Variants in CTBP2 observed in about 807,000 individuals in gnomAD.
CTBP2 encodes C-terminal-binding protein 2.
Under a neutral mutation model 80.3 loss-of-function variants are expected in CTBP2, and 30 were observed. That is an observed-to-expected ratio of 0.37 (90% CI 0.28 to 0.51). The LOEUF is 0.51. Among genes scored for constraint, CTBP2 ranks in the 20% least tolerant of loss-of-function variants. The probability of loss-of-function intolerance (pLI) is 0.93; values close to 1 mark genes in which losing one functional copy is unlikely to be tolerated. For synonymous variants in CTBP2, 594 were observed against 587.4 expected (o/e 1.01, Z -0.16); for missense variants, 1,212 against 1,375.3 (o/e 0.88, Z 1.88).
intron 4 of CTBP2, 99 bp from the exon 7 acceptor site, chr10:124,994,782 C>T (rs995543018): frequency 1.4e-5 from 17 of 1,192,492 alleles, no homozygotes; most frequent in African/African-American, 6.1e-5. Flanking sequence ...TTGGCATCCC[C>T]GCTGGTAGCT....
chr10:125,023,398 G>A (rs73375136), intron 1 of CTBP2, among the ~76,000 whole-genome samples: 1 of 152,338 alleles, frequency 6.6e-6, no homozygotes, highest in Non-Finnish European at 1.5e-5. Flanking sequence ...AGCCCCATTC[G>A]TTCGTTGTTT....
upstream of CTBP2, among the ~76,000 whole-genome samples, chr10:125,030,934 A>C (rs1161618519): frequency 6.6e-6 from 1 of 152,150 alleles, no homozygotes; most frequent in Non-Finnish European, 1.5e-5. Context: ...TGAAGGTGAT[A>C]GCGGAAATAA....
At chr10:125,060,761 G>A (rs1964815552) in intron 2 of CTBP2, among the ~76,000 whole-genome samples, 2 of 152,218 alleles carry the variant, frequency 1.3e-5, no homozygotes, top group African/African-American at 2.4e-5. Flanking sequence ...TCTCACAGTC[G>A]AGGAATAAGA....
At chr10:125,134,711 C>T (rs1856695562) in intron 1 of CTBP2, among the ~76,000 whole-genome samples, 1 of 152,138 alleles carries the variant, frequency 6.6e-6, no homozygotes, top group Non-Finnish European at 1.5e-5. Flanking sequence ...GGGTGAAGCG[C>T]CCAGCACCCT....
chr10:125,131,077 T>A (rs540360833), intron 1 of CTBP2, among the ~76,000 whole-genome samples: 23 of 151,902 alleles, frequency 1.5e-4, no homozygotes, highest in Non-Finnish European at 2.6e-4. Flanking sequence ...CAGATGCAGA[T>A]GAGATGGCAG....
At chr10:125,121,603 A>C (rs1428561515) in intron 1 of CTBP2, among the ~76,000 whole-genome samples, 2 of 152,238 alleles carry the variant, frequency 1.3e-5, no homozygotes, top group African/African-American at 4.8e-5. Flanking sequence ...GAAACTCTGC[A>C]AACACAGCCA....
chr10:124,995,540 G>C (rs767536992), intron 4 of CTBP2, among the ~76,000 whole-genome samples: 4 of 152,230 alleles, frequency 2.6e-5, no homozygotes, highest in African/African-American at 4.8e-5. Context: ...GAAGGACAAA[G>C]ATGCGCATTT....
At chr10:125,096,048 C>CATCTCCTT (rs1202491478) in intron 2 of CTBP2, among the ~76,000 whole-genome samples, 1 of 151,922 alleles carries the variant, frequency 6.6e-6, no homozygotes, top group African/African-American at 2.4e-5. Flanking sequence ...AGTGGGGGCT[C>CATCTCCTT]ATCTCCTTTC....
intron 1 of CTBP2, among the ~76,000 whole-genome samples, chr10:125,124,342 C>T (rs1439147216): frequency 1.3e-5 from 2 of 152,182 alleles, no homozygotes; most frequent in Non-Finnish European, 2.9e-5. Flanking sequence ...GGTAACTCCC[C>T]GCTGGTTCAA....
chr10:125,095,523 G>A (rs1849410039), intron 2 of CTBP2, among the ~76,000 whole-genome samples: 1 of 152,136 alleles, frequency 6.6e-6, no homozygotes, highest in Non-Finnish European at 1.5e-5. Flanking sequence ...GGGTCACCAG[G>A]CCCCACCACC....
In CTBP2 at chr10:124,998,370, T is replaced by G. The variant is rs576434866; in HGVS notation, c.1979-200A>C. 8.2e-6 allele frequency: 5 copies of G among 611,022 alleles called. No homozygotes were observed. The African/African-American group carries it at 9.2e-5, about 11-fold the overall frequency. The allele number at this position is 611,022 out of a possible 1,614,324, so 37.9% of individuals were successfully genotyped here. ...CATGGGAAGCTCTAGCCCCAACATCTACCCCTCCCTCCCAAGGAGGACTTT... is the reference window on the plus strand; with the variant it reads ...CATGGGAAGCTCTAGCCCCAACATCGACCCCTCCCTCCCAAGGAGGACTTT... On this transcript the variant is annotated intron_variant, in intron 3 of 8. Transcript: ENST00000309035.
At chr10:125,025,444 C>T (rs532264525) in intron 1 of CTBP2, among the ~76,000 whole-genome samples, 10 of 152,286 alleles carry the variant, frequency 6.6e-5, no homozygotes, top group East Asian at 3.9e-4. Flanking sequence ...CCTTCAAGCA[C>T]GCGGAATTCC....
chr10:125,002,193 G>A lies in CTBP2; in HGVS notation c.1978+767C>T, dbSNP rs185458389. ...CAGCCCCCACCCCCAAAATGCAGGGGTGGCGTGTTCCAAACACAGAGCAAG... is the reference window on the plus strand; with the variant it reads ...CAGCCCCCACCCCCAAAATGCAGGGATGGCGTGTTCCAAACACAGAGCAAG... On this transcript the variant is annotated intron_variant, in intron 3 of 8. Transcript: ENST00000309035. Among the ~76,000 whole-genome samples, 263 of 152,316 alleles carry A rather than the reference G, an allele frequency of 1.7e-3. 2 individuals are homozygous for A. The highest frequency in any genetic ancestry group is 1.1e-3 in the Non-Finnish European group (73 of 68,026).
chr10:125,132,284 C>T (rs78597793), intron 1 of CTBP2, among the ~76,000 whole-genome samples: 1,775 of 151,982 alleles, frequency 0.012, 22 homozygotes, highest in Non-Finnish European at 0.02. Context: ...ATTTTATAAA[C>T]CACTAAGGGA....
At chr10:125,013,944 A>T (rs1956207156) in intron 1 of CTBP2, among the ~76,000 whole-genome samples, 1 of 152,194 alleles carries the variant, frequency 6.6e-6, no homozygotes, top group Admixed American at 6.5e-5. Context: ...CTTTTACTGC[A>T]GGAATGTGAT....
At chr10:125,063,114 T>C (rs1306191289) in intron 2 of CTBP2, among the ~76,000 whole-genome samples, 5 of 152,208 alleles carry the variant, frequency 3.3e-5, no homozygotes, top group African/African-American at 1.2e-4. Context: ...GAGCTGGACC[T>C]CAGCCGCAAC....
chr10:124,985,091 A>T lies in CTBP2; in HGVS notation c.*4427T>A, dbSNP rs1952003610. 6 of 948,074 alleles carry T rather than the reference A, an allele frequency of 6.3e-6. No individual in the cohort carries two copies. Among genetic ancestry groups the T allele is most frequent in the Non-Finnish European group, 9.6e-6 (6 of 626,238 alleles). The allele number at this position is 948,074 out of a possible 1,614,324, so 58.7% of individuals were successfully genotyped here. On this transcript the variant is annotated 3_prime_UTR_variant, in exon 9 of 9. Transcript: ENST00000309035. ...CAGAGTCGACATCATGGAATGAACC[A>T]AATCTGGCAGGATCTGCTCGGGGAA... is the stretch of plus-strand genomic sequence containing the variant.
chr10:125,035,236 T>C (rs1958729920), intron 3 of CTBP2, among the ~76,000 whole-genome samples: 1 of 152,236 alleles, frequency 6.6e-6, no homozygotes, highest in Non-Finnish European at 1.5e-5. Context: ...GCTTGTCTCC[T>C]TTTTCCTCAT....
chr10:125,008,545 G>A (rs4962419), intron 1 of CTBP2, among the ~76,000 whole-genome samples: 34,725 of 152,220 alleles, frequency 0.23, 4,414 homozygotes, highest in Middle Eastern at 0.39. Flanking sequence ...GCCGGGTGCC[G>A]TCACCAGCTG....
Sources: allele counts gnomAD v4.1 joint callset (sites outside exome capture counted in the v4.1 genomes callset), GRCh38; gene constraint gnomAD v4.1.1; transcripts MANE v1.5; gene names NCBI Gene and HGNC (gene_info 2026-07-23, HGNC 2026-07-21).